TLK1: variants seen among roughly 807,000 people sequenced by gnomAD.
TLK1 encodes tousled like kinase 1, also known as serine/threonine-protein kinase tousled-like 1.
Under a neutral mutation model 105.3 loss-of-function variants are expected in TLK1, and 24 were observed. That is an observed-to-expected ratio of 0.23 (90% confidence interval 0.17 to 0.32). TLK1 has a LOEUF of 0.32. TLK1 is among the 10% of genes least tolerant of loss of function. The pLI, the probability that TLK1 is intolerant of heterozygous loss-of-function variation, is 1.00. For missense variants in TLK1, 558 were observed against 910.5 expected (o/e 0.61, Z 4.98); for synonymous variants, 321 against 310.4 (o/e 1.03, Z -0.36).
At chr2:171,097,233 T>G (rs1313434805) in intron 2 of TLK1, among the ~76,000 whole-genome samples, 1 of 152,204 alleles carries the variant, frequency 6.6e-6, no homozygotes, top group East Asian at 1.9e-4. Flanking sequence ...GGGGAAAGGA[T>G]AGTTTCTTCA....
intron 2 of TLK1, among the ~76,000 whole-genome samples, chr2:171,084,900 T>C (rs1012248583): frequency 1.3e-5 from 2 of 152,048 alleles, no homozygotes; most frequent in African/African-American, 2.4e-5. Flanking sequence ...AGAGCAAATA[T>C]ATACAGTAGA....
At chr2:171,192,371 T>C (rs1425409182) in intron 1 of TLK1, among the ~76,000 whole-genome samples, 4 of 152,050 alleles carry the variant, frequency 2.6e-5, no homozygotes, top group Non-Finnish European at 4.4e-5. Context: ...CCAAAGGGCA[T>C]TTGGATTTAG....
At chr2:171,014,342 A>G (rs1375224982) in intron 13 of TLK1, among the ~76,000 whole-genome samples, 1 of 152,156 alleles carries the variant, frequency 6.6e-6, no homozygotes, top group Admixed American at 6.5e-5. Flanking sequence ...TAACGATATT[A>G]AAAGAGGAAA....
chr2:171,085,595 A>C (rs568133392), intron 2 of TLK1, among the ~76,000 whole-genome samples: 4 of 152,360 alleles, frequency 2.6e-5, no homozygotes, highest in African/African-American at 9.6e-5. Flanking sequence ...CTATTCAAGG[A>C]AAGAAAATAA....
intron 1 of TLK1, among the ~76,000 whole-genome samples, chr2:171,205,274 A>G (rs1304871931): frequency 6.6e-6 from 1 of 151,866 alleles, no homozygotes; most frequent in Non-Finnish European, 1.5e-5. Context: ...AATATATGAC[A>G]GTTAAATTAT....
At chr2:171,142,439 T>C (rs746457184) in intron 1 of TLK1, among the ~76,000 whole-genome samples, 2 of 152,192 alleles carry the variant, frequency 1.3e-5, no homozygotes, top group Admixed American at 6.5e-5. Context: ...TGGAAAAAGC[T>C]GTAGCATGCA....
intron 14 of TLK1, among the ~76,000 whole-genome samples, chr2:171,008,067 T>C (rs1270325792): frequency 2.0e-5 from 3 of 152,174 alleles, no homozygotes; most frequent in Non-Finnish European, 4.4e-5. Flanking sequence ...AAGGTCCCCA[T>C]TTCCTCCCAT....
At chr2:171,159,955 A>C (rs1406720846) in intron 1 of TLK1, 1 of 233,504 alleles carries the variant, frequency 4.3e-6, no homozygotes. Context: ...TGTACTGGCA[A>C]ATGGAGCAGA....
Position 170,994,015 on chromosome 2 carries a change from T to C in TLK1, c.2125-59A>G. ...GATCTTTTTCCCTTCTAAATATCAA[T>C]CAACTGAATCAGCAGAAGGATGGAC... is the stretch of plus-strand genomic sequence containing the variant. On this transcript the variant is annotated intron_variant, in intron 20 of 20. Coordinates refer to ENST00000431350, the MANE Select transcript of TLK1 (RefSeq NM_012290.5). The C allele has an allele frequency of 2.7e-6, 4 of 1,490,136 alleles. No individual in the cohort carries two copies. The East Asian group carries it at 7.3e-5, about 27-fold the overall frequency. 92.3% of individuals were successfully genotyped at this position (1,490,136 alleles called of 1,614,324 possible).
chr2:171,107,310 TTC>T (rs1259664160), intron 2 of TLK1, among the ~76,000 whole-genome samples: 3 of 152,184 alleles, frequency 2.0e-5, no homozygotes, highest in Non-Finnish European at 4.4e-5. Flanking sequence ...TTAGACACAT[TTC>T]TCTTTTGTAA....
At chr2:171,095,032 T>C (rs575726641) in intron 2 of TLK1, among the ~76,000 whole-genome samples, 9 of 152,100 alleles carry the variant, frequency 5.9e-5, no homozygotes, top group South Asian at 4.2e-4. Context: ...AAATAACCAA[T>C]AGGTCAAAGG....
chr2:171,189,708 C>T (rs942028002), intron 1 of TLK1, among the ~76,000 whole-genome samples: 1 of 152,174 alleles, frequency 6.6e-6, no homozygotes, highest in Admixed American at 6.5e-5. Flanking sequence ...ACCAAGAAGT[C>T]TGAAGATAGG....
At chr2:171,046,142 T>G in intron 11 of TLK1, 32 bp downstream of exon 11, 1 of 1,490,400 alleles carries the variant, frequency 6.7e-7, no homozygotes, top group Non-Finnish European at 8.9e-7. Context: ...GGCAACAATT[T>G]TAAAAAAGAA....
rs1286420199 is a variant in TLK1, at chr2:170,992,870, T to C, written c.*910A>G. Reference sequence around the variant, plus strand: ...AGAATAAGCTGCTGAAACTTAGTAATTGAAATATGACATCTGTACAACAAT... The same window carrying C: ...AGAATAAGCTGCTGAAACTTAGTAACTGAAATATGACATCTGTACAACAAT... On this transcript the variant is annotated 3_prime_UTR_variant, in exon 21 of 21. Transcript: ENST00000431350. The C allele has an allele frequency of 6.6e-6, 1 of 152,614 alleles. No homozygotes were observed. Among genetic ancestry groups the C allele is most frequent in the Non-Finnish European group, 1.5e-5 (1 of 68,024 alleles). The allele number at this position is 152,614 out of a possible 1,614,324, so 9.5% of individuals were successfully genotyped here. A position where few individuals can be genotyped will look rare whatever the true frequency, so the allele number is the denominator to read the frequency against.
intron 1 of TLK1, among the ~76,000 whole-genome samples, chr2:171,227,186 A>C (rs1254354752): frequency 6.6e-6 from 1 of 152,078 alleles, no homozygotes; most frequent in Non-Finnish European, 1.5e-5. Context: ...GTTGAGGTGG[A>C]GCTGACCCTT....
chr2:171,044,897 T>A (rs1010511092), intron 11 of TLK1, among the ~76,000 whole-genome samples: 1 of 152,136 alleles, frequency 6.6e-6, no homozygotes, highest in Non-Finnish European at 1.5e-5. Flanking sequence ...AGGAAGATAA[T>A]CTTAAGAAAA....
intron 1 of TLK1, among the ~76,000 whole-genome samples, chr2:171,123,114 T>C (rs1462350358): frequency 1.3e-5 from 2 of 151,486 alleles, no homozygotes; most frequent in African/African-American, 4.9e-5. Flanking sequence ...AGTTTGCTAA[T>C]GAAAAGAATG....
intron 1 of TLK1, among the ~76,000 whole-genome samples, chr2:171,123,717 A>T (rs1166006782): frequency 6.6e-6 from 1 of 152,202 alleles, no homozygotes; most frequent in African/African-American, 2.4e-5. Flanking sequence ...AGGCTGAGGT[A>T]GGAGAAGCGC....
At chr2:171,012,904 G>T (rs374726422) in intron 13 of TLK1, among the ~76,000 whole-genome samples, 1 of 152,202 alleles carries the variant, frequency 6.6e-6, no homozygotes, top group East Asian at 1.9e-4. Flanking sequence ...CTGTAAAGCT[G>T]TAACAGTTGA....
Sources: gnomAD v4.1 joint callset for allele counts (sites outside exome capture counted in the v4.1 genomes callset) on GRCh38, gnomAD v4.1.1 for gene constraint, MANE v1.5 for transcripts, NCBI Gene and HGNC (gene_info 2026-07-23, HGNC 2026-07-21) for gene names.